The following DAPK1 variants were observed in gnomAD, a reference collection of about 807,000 sequenced individuals.
DAPK1 encodes the protein death associated protein kinase 1.
DAPK1 carries 56 observed loss-of-function variants against 144.9 expected under a neutral mutation model. That is an observed-to-expected ratio of 0.39 (90% confidence interval 0.31 to 0.48). The LOEUF (loss-of-function observed/expected upper bound fraction) is 0.48. Among genes scored for constraint, DAPK1 ranks in the 20% least tolerant of loss-of-function variants. The probability of loss-of-function intolerance (pLI) is 0.95; values close to 1 mark genes in which losing one functional copy is unlikely to be tolerated. For synonymous variants in DAPK1, 690 were observed against 749.0 expected, an observed-to-expected ratio of 0.92 and a Z score of 1.29; for missense variants, 1,454 against 1,875.4, an observed-to-expected ratio of 0.78 and a Z score of 4.15.
At chr9:87,621,344 C>T (rs1313410840) in intron 3 of DAPK1, among the ~76,000 whole-genome samples, 1 of 152,196 alleles carries the variant, frequency 6.6e-6, no homozygotes, top group Non-Finnish European at 1.5e-5. Context: ...ATCCCGTTTA[C>T]AGCGACCCGG....
rs1171858468 is a variant in DAPK1, at chr9:87,668,656, C to T, written c.1983C>T (p.Leu661=). 7.3e-7 allele frequency: 1 copy of T among 1,368,730 alleles called. No homozygotes were observed. Among genetic ancestry groups the T allele is most frequent in the East Asian group, 2.3e-5 (1 of 43,774 alleles). The allele number at this position is 1,368,730 out of a possible 1,614,324, so 84.8% of individuals were successfully genotyped here. Residue 661 remains leucine, a synonymous_variant, in exon 19 of 26, where the codon CTC becomes CTT. Transcript: ENST00000408954. Reference sequence around the variant, plus strand: ...AACAGCACGAGCACGTAGCAGGTCTCCTTGCAAGACTTCGAAAGGTGAGAA... The same window carrying T: ...AACAGCACGAGCACGTAGCAGGTCTTCTTGCAAGACTTCGAAAGGTGAGAA... ...RSEQHEHVAG[L]LARLRKDTHR...
intron 21 of DAPK1, among the ~76,000 whole-genome samples, chr9:87,696,229 G>A (rs1351804051): frequency 6.6e-6 from 1 of 151,936 alleles, no homozygotes; most frequent in Non-Finnish European, 1.5e-5. Flanking sequence ...GTACATGCAT[G>A]TTGTGTGTGT....
intron 2 of DAPK1, among the ~76,000 whole-genome samples, chr9:87,592,258 G>A (rs1459464467): frequency 2.0e-5 from 3 of 152,172 alleles, no homozygotes; most frequent in African/African-American, 7.2e-5. Context: ...CAAGAGGAAG[G>A]GCTTCCCACC....
At chr9:87,595,842 A>G (rs1207185790) in intron 2 of DAPK1, among the ~76,000 whole-genome samples, 1 of 152,120 alleles carries the variant, frequency 6.6e-6, no homozygotes, top group Non-Finnish European at 1.5e-5. Context: ...TCCCCTCAGT[A>G]AACTCTGCTT....
intron 2 of DAPK1, among the ~76,000 whole-genome samples, chr9:87,592,339 C>G (rs1366210131): frequency 1.3e-5 from 2 of 152,208 alleles, no homozygotes; most frequent in Admixed American, 6.5e-5. Flanking sequence ...CATTTCACCC[C>G]CTTCCCTGCC....
intron 2 of DAPK1, among the ~76,000 whole-genome samples, chr9:87,568,235 A>C (rs1372843402): frequency 1.3e-5 from 2 of 152,244 alleles, no homozygotes; most frequent in East Asian, 1.9e-4. Context: ...GACTGCCTGC[A>C]GGCCGTGGGC....
At chr9:87,571,476 A>AC (rs771023885) in intron 2 of DAPK1, among the ~76,000 whole-genome samples, 1,443 of 48,202 alleles carry the variant, frequency 0.03, 98 homozygotes, top group East Asian at 0.12. Flanking sequence ...CACACACACC[A>AC]ACACACACAC....
chr9:87,504,254 A>G (rs1245689627), intron 2 of DAPK1, among the ~76,000 whole-genome samples: 3 of 152,212 alleles, frequency 2.0e-5, no homozygotes, highest in Non-Finnish European at 4.4e-5. Flanking sequence ...GATAAAGTTC[A>G]GCTACATAGA....
chr9:87,542,394 T>C (rs1587702808), intron 2 of DAPK1, among the ~76,000 whole-genome samples: 1 of 152,154 alleles, frequency 6.6e-6, no homozygotes, highest in African/African-American at 2.4e-5. Flanking sequence ...TTGCTGACAG[T>C]GACACAGAGT....
At chr9:87,602,922 T>TTCTCTCTCTCTCTCTCTCTCTC (rs143584239) in intron 2 of DAPK1, among the ~76,000 whole-genome samples, 272 of 146,504 alleles carry the variant, frequency 1.9e-3, no homozygotes, top group African/African-American at 6.6e-3. Flanking sequence ...GTCTCTCTGT[T>TTCTCTCTCTCTCTCTCTCTCTC]TCTCTCTCTC....
intron 2 of DAPK1, among the ~76,000 whole-genome samples, chr9:87,533,892 A>G (rs960193340): frequency 6.6e-6 from 1 of 152,214 alleles, no homozygotes; most frequent in Non-Finnish European, 1.5e-5. Flanking sequence ...CAAACCCCTG[A>G]CCTCAGGTGA....
chr9:87,529,678 C>T (rs767820356), intron 2 of DAPK1, among the ~76,000 whole-genome samples: 12 of 152,166 alleles, frequency 7.9e-5, no homozygotes, highest in Non-Finnish European at 1.8e-4. Context: ...TTTAACAGTA[C>T]GTGGAATGCA....
chr9:87,575,533 C>G (rs1238796290), intron 2 of DAPK1, among the ~76,000 whole-genome samples: 1 of 152,196 alleles, frequency 6.6e-6, no homozygotes, highest in East Asian at 1.9e-4. Flanking sequence ...AAAAACAAAG[C>G]CCTGAGCTGG....
At chr9:87,521,153 T>C (rs1166105146) in intron 2 of DAPK1, among the ~76,000 whole-genome samples, 2 of 152,272 alleles carry the variant, frequency 1.3e-5, no homozygotes, top group Non-Finnish European at 2.9e-5. Context: ...GTGCTAGCTA[T>C]GTTTTAAGCT....
At chr9:87,641,800 C>T (rs1830105804) in intron 9 of DAPK1, among the ~76,000 whole-genome samples, 169 bp from the exon 10 acceptor site, 1 of 152,200 alleles carries the variant, frequency 6.6e-6, no homozygotes, top group African/African-American at 2.4e-5. Flanking sequence ...GAAGAGTGAG[C>T]CCGCTAAGAC....
intron 2 of DAPK1, among the ~76,000 whole-genome samples, chr9:87,528,219 CTTT>C (rs35842498): frequency 2.6e-4 from 36 of 140,518 alleles, no homozygotes; most frequent in Non-Finnish European, 3.0e-4. Context: ...TTCTTTCTTT[CTTT>C]TTTTTTTTTT....
At chr9:87,619,863 C>T (rs1829226984) in intron 3 of DAPK1, among the ~76,000 whole-genome samples, 1 of 152,198 alleles carries the variant, frequency 6.6e-6, no homozygotes, top group African/African-American at 2.4e-5. Flanking sequence ...CACGTAACAG[C>T]TGCCAATGCA....
At chr9:87,540,036 A>G (rs1183777697) in intron 2 of DAPK1, among the ~76,000 whole-genome samples, 1 of 152,140 alleles carries the variant, frequency 6.6e-6, no homozygotes, top group East Asian at 1.9e-4. Flanking sequence ...TCTCGACTTA[A>G]GGAAAGAAAA....
chr9:87,517,040 C>T (rs1023582392), intron 2 of DAPK1, among the ~76,000 whole-genome samples: 6 of 152,106 alleles, frequency 3.9e-5, no homozygotes, highest in Non-Finnish European at 8.8e-5. Context: ...TCTCTTCCTG[C>T]CCCCATAGTC....
Sources: gnomAD v4.1 joint callset for allele counts (sites outside exome capture counted in the v4.1 genomes callset) on GRCh38, gnomAD v4.1.1 for gene constraint, MANE v1.5 for transcripts, NCBI Gene and HGNC (gene_info 2026-07-23, HGNC 2026-07-21) for gene names.